Variants in THEMIS observed in about 807,000 individuals in gnomAD.
THEMIS encodes the protein thymocyte selection associated.
In THEMIS, 37 loss-of-function variants were observed where a neutral mutation model predicts 52.6. The observed-to-expected ratio is 0.70, with a 90% CI of 0.54 to 0.93. THEMIS has a LOEUF of 0.93. Among genes scored for constraint, THEMIS ranks in the 40% least tolerant of loss-of-function variants. The pLI, the probability that THEMIS is intolerant of heterozygous loss-of-function variation, is 0.00. For synonymous variants in THEMIS, 292 were observed against 272.7 expected, an observed-to-expected ratio of 1.07 and a Z score of -0.70; for missense variants, 808 against 763.1, an observed-to-expected ratio of 1.06 and a Z score of -0.69.
At chr6:127,734,251 G>A (rs1774909013) in intron 4 of THEMIS, among the ~76,000 whole-genome samples, 1 of 152,144 alleles carries the variant, frequency 6.6e-6, no homozygotes, top group South Asian at 2.1e-4. Flanking sequence ...TACTTGATAA[G>A]TTTTCAGGTG....
intron 1 of THEMIS, 44 bp downstream of exon 1, chr6:127,900,793 ATACTT>A (rs774443424): frequency 1.3e-6 from 2 of 1,532,788 alleles, no homozygotes; most frequent in Non-Finnish European, 1.8e-6. Context: ...TCAAAAATGT[ATACTT>A]TACAAGAATG....
chr6:127,730,926 C>A (rs912944370), intron 4 of THEMIS, among the ~76,000 whole-genome samples: 7 of 152,114 alleles, frequency 4.6e-5, no homozygotes, highest in African/African-American at 1.7e-4. Context: ...ACTAATACAT[C>A]TTTAATTTTG....
At chr6:127,772,667 C>T (rs1333323396) in intron 4 of THEMIS, among the ~76,000 whole-genome samples, 2 of 152,200 alleles carry the variant, frequency 1.3e-5, no homozygotes, top group African/African-American at 4.8e-5. Context: ...CCAAAGACTA[C>T]ACACTCAACC....
rs376664946 is a variant in THEMIS, at chr6:127,824,773, A to T, written c.709+4703T>A. On this transcript the variant is annotated intron_variant, in intron 3 of 5. Transcript: ENST00000368248. ...CGGCCCCCCAAAGTGCTGGGATTGC[A>T]GGCGTGAGCCACCGGGTGGCAGGCG... is the stretch of plus-strand genomic sequence containing the variant. 1.3e-4 allele frequency among the ~76,000 whole-genome samples: 20 copies of T among 152,314 alleles called. No homozygotes were observed. In the South Asian group the frequency reaches 4.1e-3, roughly 32 times the overall value.
chr6:127,914,143 C>T (rs1005897437), intron 1 of THEMIS, among the ~76,000 whole-genome samples: 38 of 152,024 alleles, frequency 2.5e-4, no homozygotes, highest in African/African-American at 8.5e-4. Flanking sequence ...GTGCATGAAA[C>T]AAAGTTTTGA....
intron 4 of THEMIS, among the ~76,000 whole-genome samples, chr6:127,791,549 T>C (rs991407898): frequency 1.3e-5 from 2 of 152,124 alleles, no homozygotes; most frequent in Admixed American, 6.5e-5. Context: ...TCTCACTCCA[T>C]GGCAGCCCTC....
chr6:127,766,989 C>T (rs115967730), intron 4 of THEMIS, among the ~76,000 whole-genome samples: 4,254 of 152,024 alleles, frequency 0.028, 201 homozygotes, highest in African/African-American at 0.097. Flanking sequence ...CTTAGCTTAC[C>T]GTAACTTTAT....
chr6:127,760,509 A>C (rs1311734485), intron 4 of THEMIS, among the ~76,000 whole-genome samples: 1 of 152,136 alleles, frequency 6.6e-6, no homozygotes, highest in East Asian at 1.9e-4. Context: ...TTCCAAGCTC[A>C]GCATAGTGGC....
At chr6:127,887,571 A>G (rs565925213) in intron 1 of THEMIS, among the ~76,000 whole-genome samples, 21 of 152,262 alleles carry the variant, frequency 1.4e-4, no homozygotes, top group African/African-American at 3.8e-4. Context: ...GATGAACCAC[A>G]AACACATACT....
At chr6:127,875,774 T>C (rs1396863298) in intron 1 of THEMIS, among the ~76,000 whole-genome samples, 1 of 152,238 alleles carries the variant, frequency 6.6e-6, no homozygotes. Context: ...TTGCCATTGG[T>C]AGACTGTTTC....
chr6:127,776,487 C>T (rs960111473), intron 4 of THEMIS, among the ~76,000 whole-genome samples: 3 of 152,184 alleles, frequency 2.0e-5, no homozygotes, highest in Admixed American at 6.5e-5. Flanking sequence ...TGGATCAGAG[C>T]ATCTGGGGCC....
chr6:127,830,690 AAAAAAAT>A (rs545468594), intron 2 of THEMIS, among the ~76,000 whole-genome samples: 76 of 152,166 alleles, frequency 5.0e-4, no homozygotes, highest in Non-Finnish European at 8.4e-4. Context: ...TGTCTCTCAA[AAAAAAAT>A]AAAAAATAAA....
intron 2 of THEMIS, among the ~76,000 whole-genome samples, chr6:127,839,462 G>A (rs151037035): frequency 1.1e-3 from 171 of 152,040 alleles, no homozygotes; most frequent in African/African-American, 3.9e-3. Context: ...CTGTTTTACA[G>A]GGTAATGTTA....
intron 4 of THEMIS, among the ~76,000 whole-genome samples, chr6:127,781,359 T>C (rs777880243): frequency 2.6e-5 from 4 of 151,878 alleles, no homozygotes; most frequent in Non-Finnish European, 4.4e-5. Context: ...CTTGGAGGAG[T>C]TTGTTATTAC....
At chr6:127,906,030 G>T (rs1781261906), upstream of THEMIS, among the ~76,000 whole-genome samples, 1 of 145,416 alleles carries the variant, frequency 6.9e-6, no homozygotes, top group Non-Finnish European at 1.5e-5. Flanking sequence ...TAATTTAAAT[G>T]AAATAATTTT....
At chr6:127,790,580 C>T (rs1777122156) in intron 4 of THEMIS, among the ~76,000 whole-genome samples, 1 of 152,194 alleles carries the variant, frequency 6.6e-6, no homozygotes, top group Non-Finnish European at 1.5e-5. Context: ...ATGCTCTTCT[C>T]ATAGGATCCT....
chr6:127,727,429 G>T (rs1471342189), intron 4 of THEMIS, among the ~76,000 whole-genome samples: 2 of 152,286 alleles, frequency 1.3e-5, no homozygotes, highest in Non-Finnish European at 1.5e-5. Flanking sequence ...AATAGCATTT[G>T]AACAGTGTCC....
At chr6:127,809,919 C>T (rs1777843477) in intron 4 of THEMIS, among the ~76,000 whole-genome samples, 3 of 150,944 alleles carry the variant, frequency 2.0e-5, no homozygotes, top group South Asian at 2.1e-4. Context: ...GCTCCAGAAC[C>T]TCTTAACATC....
chr6:127,857,662 C>A (rs947082653), intron 1 of THEMIS, among the ~76,000 whole-genome samples: 1 of 151,968 alleles, frequency 6.6e-6, no homozygotes, highest in Non-Finnish European at 1.5e-5. Flanking sequence ...CTATACAAAC[C>A]TTGGTCCACC....
Sources: allele counts gnomAD v4.1 joint callset (sites outside exome capture counted in the v4.1 genomes callset), GRCh38; gene constraint gnomAD v4.1.1; transcripts MANE v1.5; gene names NCBI Gene and HGNC (gene_info 2026-07-23, HGNC 2026-07-21).